The following ENOX1 variants were observed in gnomAD, a reference collection of about 807,000 sequenced individuals.
ENOX1 encodes the protein candidate growth-related and time keeping constitutive hydroquinone (NADH) oxidase.
A neutral mutation model predicts 82.5 loss-of-function variants in ENOX1; 42 were observed. The observed-to-expected ratio is 0.51, with a 90% CI of 0.40 to 0.66. The LOEUF (loss-of-function observed/expected upper bound fraction) is 0.66, where lower values mean the gene tolerates loss of function less well. ENOX1 is among the 30% of genes least tolerant of loss of function. The pLI is 0.00. For synonymous variants in ENOX1, 271 were observed against 282.2 expected (o/e 0.96, Z 0.40); for missense variants, 608 against 811.6 (o/e 0.75, Z 3.05).
chr13:43,648,064 T>C (rs944187046), intron 2 of ENOX1, among the ~76,000 whole-genome samples: 1 of 152,214 alleles, frequency 6.6e-6, no homozygotes, highest in Non-Finnish European at 1.5e-5. Context: ...AGAACTGTGT[T>C]GGACTTCCGA....
At chr13:43,662,956 A>G (rs1212102635) in intron 2 of ENOX1, among the ~76,000 whole-genome samples, 2 of 152,346 alleles carry the variant, frequency 1.3e-5, no homozygotes, top group East Asian at 3.9e-4. Context: ...GTTTTCATAA[A>G]GGATATGAAT....
chr13:43,545,798 C>T (rs1481638927), intron 2 of ENOX1: 1 of 152,210 alleles, frequency 6.6e-6, no homozygotes, highest in Admixed American at 6.5e-5. Context: ...GATGTCTCCT[C>T]CAAGCAAATA....
intron 2 of ENOX1, among the ~76,000 whole-genome samples, chr13:43,489,424 A>G (rs965873150): frequency 7.2e-5 from 11 of 152,220 alleles, no homozygotes; most frequent in African/African-American, 2.7e-4. Flanking sequence ...GCTGTGAGAC[A>G]CAGCTGCTTC....
intron 1 of ENOX1, among the ~76,000 whole-genome samples, chr13:43,702,036 G>A (rs1001605323): frequency 1.3e-5 from 2 of 152,120 alleles, no homozygotes; most frequent in Non-Finnish European, 2.9e-5. Flanking sequence ...CCACTAATGT[G>A]TTCTCCATCT....
intron 1 of ENOX1, among the ~76,000 whole-genome samples, chr13:43,719,166 T>G (rs986068507): frequency 1.3e-5 from 2 of 152,140 alleles, no homozygotes; most frequent in African/African-American, 4.8e-5. Context: ...TAGTTACTCT[T>G]CTAAGTATTT....
At chr13:43,602,093 AT>A (rs1346367870) in intron 2 of ENOX1, among the ~76,000 whole-genome samples, 1 of 152,130 alleles carries the variant, frequency 6.6e-6, no homozygotes, top group Non-Finnish European at 1.5e-5. Flanking sequence ...AACAAATAAT[AT>A]TTTTAGAGGA....
At chr13:43,597,385 A>G (rs1407702347) in intron 2 of ENOX1, among the ~76,000 whole-genome samples, 1 of 152,224 alleles carries the variant, frequency 6.6e-6, no homozygotes, top group East Asian at 1.9e-4. Context: ...ACTTCAAAGC[A>G]AAAACCAAAA....
At position 43,326,456 on chromosome 13, in the gene ENOX1, T is replaced by C; in HGVS notation, c.1106A>G (p.Gln369Arg). Reference protein sequence around the residue: ...QKAWDHFSKAQRKNIDIWRKH... With the variant: ...QKAWDHFSKARRKNIDIWRKH... ...TCGCCAAATGTCTATGTTCTTGCGC[T>C]GGGCTTTCGAGAAATGGTCCCAAGC... is the stretch of plus-strand genomic sequence containing the variant. Residue 369 changes from glutamine to arginine, a missense_variant, in exon 10 of 17, where the codon CAG becomes CGG. By Grantham distance (43) the Gln-to-Arg change is conservative (BLOSUM62 1). Transcript: ENST00000690772. 1 of 1,614,200 alleles carries C rather than the reference T, an allele frequency of 6.2e-7. No homozygotes were observed.
At chr13:43,369,759 C>T (rs949883388) in intron 5 of ENOX1, among the ~76,000 whole-genome samples, 2 of 152,228 alleles carry the variant, frequency 1.3e-5, no homozygotes, top group African/African-American at 4.8e-5. Flanking sequence ...CTTAAAGTTC[C>T]TGTTCCTTCT....
In ENOX1 at chr13:43,648,580, A is replaced by G. The variant is rs567258754; in HGVS notation, c.-219+18899T>C. ...GCTAAGCAAAGGTCCAAGAGAGTTC[A>G]TAAGCCACTAACTCGTGGCTGACCT... is the stretch of plus-strand genomic sequence containing the variant. On this transcript the variant is annotated intron_variant, in intron 2 of 16. Coordinates refer to ENST00000690772, the MANE Select transcript of ENOX1 (RefSeq NM_001347969.2). Among the ~76,000 whole-genome samples, 363 of 152,322 alleles carry G rather than the reference A, an allele frequency of 2.4e-3. 2 individuals carry two copies. The highest frequency in any genetic ancestry group is 4.3e-3 in the Non-Finnish European group (291 of 68,026).
intron 5 of ENOX1, among the ~76,000 whole-genome samples, chr13:43,396,220 C>T (rs1299386560): frequency 2.0e-5 from 3 of 152,150 alleles, no homozygotes; most frequent in Non-Finnish European, 4.4e-5. Flanking sequence ...CCTTTTCTTG[C>T]TCCTTGTTTC....
chr13:43,430,015 A>G (rs1388874333), intron 3 of ENOX1, among the ~76,000 whole-genome samples: 2 of 152,204 alleles, frequency 1.3e-5, no homozygotes, highest in African/African-American at 4.8e-5. Context: ...GACTTTGCAT[A>G]TTCTTGATGC....
chr13:43,745,075 G>A (rs1949947288), intron 1 of ENOX1, among the ~76,000 whole-genome samples: 1 of 152,268 alleles, frequency 6.6e-6, no homozygotes, highest in South Asian at 2.1e-4. Context: ...CACAGAGGAG[G>A]TAGCAGGGTG....
chr13:43,440,560 G>A (rs2056305085), intron 3 of ENOX1, among the ~76,000 whole-genome samples: 1 of 151,972 alleles, frequency 6.6e-6, no homozygotes, highest in South Asian at 2.1e-4. Context: ...CCTAAAATTT[G>A]CCAAGCAACT....
At chr13:43,616,925 AAC>A (rs61106243) in intron 2 of ENOX1, among the ~76,000 whole-genome samples, 11 of 151,464 alleles carry the variant, frequency 7.3e-5, no homozygotes, top group African/African-American at 1.7e-4. Context: ...AAAACAAGTA[AAC>A]ACACACACAC....
chr13:43,530,476 AT>A (rs2078163802), intron 2 of ENOX1, among the ~76,000 whole-genome samples: 1 of 152,116 alleles, frequency 6.6e-6, no homozygotes, highest in East Asian at 1.9e-4. Context: ...GGCTTAGAAA[AT>A]GGTTTAGCAG....
At chr13:43,302,231 A>G (rs1358729555) in intron 11 of ENOX1, among the ~76,000 whole-genome samples, 1 of 152,232 alleles carries the variant, frequency 6.6e-6, no homozygotes, top group East Asian at 1.9e-4. Context: ...GATAATAAAA[A>G]AAGAATAGAA....
At chr13:43,758,503 A>C (rs189308861) in intron 1 of ENOX1, among the ~76,000 whole-genome samples, 1 of 152,362 alleles carries the variant, frequency 6.6e-6, no homozygotes, top group African/African-American at 2.4e-5. Flanking sequence ...GTGGATGTGC[A>C]TAGAAGGCCA....
intron 3 of ENOX1, among the ~76,000 whole-genome samples, chr13:43,455,508 T>A (rs2057182195): frequency 6.6e-6 from 1 of 152,212 alleles, no homozygotes; most frequent in South Asian, 2.1e-4. Flanking sequence ...TCTTCTATTA[T>A]TCTTTAGTAC....
Sources: allele counts gnomAD v4.1 joint callset (sites outside exome capture counted in the v4.1 genomes callset), GRCh38; gene constraint gnomAD v4.1.1; transcripts MANE v1.5; gene names NCBI Gene and HGNC (gene_info 2026-07-23, HGNC 2026-07-21).